Variants in ARID4B observed in about 807,000 individuals in gnomAD.
ARID4B encodes the protein AT-rich interactive domain-containing protein 4B.
In ARID4B, 26 loss-of-function variants were observed where a neutral mutation model predicts 147.5. The ratio of observed to expected loss-of-function variants is 0.18; its 90% CI spans 0.13 to 0.24. ARID4B has a LOEUF of 0.24. Among genes scored for constraint, ARID4B ranks in the 10% least tolerant of loss-of-function variants. The pLI, the probability that ARID4B is intolerant of heterozygous loss-of-function variation, is 1.00. For missense variants in ARID4B, 1,179 were observed against 1,511.5 expected (o/e 0.78, Z 3.65); for synonymous variants, 512 against 507.9 (o/e 1.01, Z -0.11).
chr1:235,296,928 G>A (rs569502216), intron 2 of ARID4B, among the ~76,000 whole-genome samples: 18 of 151,192 alleles, frequency 1.2e-4, no homozygotes, highest in Admixed American at 5.3e-4. Context: ...CAGCAGCAAT[G>A]AGCACCCTTA....
intron 20 of ARID4B, among the ~76,000 whole-genome samples, chr1:235,178,997 G>C (rs1664086936): frequency 6.6e-6 from 1 of 152,008 alleles, no homozygotes; most frequent in East Asian, 1.9e-4. Flanking sequence ...AAACATAAAG[G>C]AGACGTAGAT....
chr1:235,182,041 G>GGGCAGGAT lies in ARID4B; in HGVS notation c.2870_2877dup (p.Pro960IlefsTer26). 6.2e-7 allele frequency: 1 copy of GGGCAGGAT among 1,614,052 alleles called. No homozygotes were observed. ...GACTCCTCTGCCACCCCCTCCTCTGGGGCAGGATGCGGTGGGGAAGCTGCA... is the reference window on the plus strand; with the variant it reads ...GACTCCTCTGCCACCCCCTCCTCTGGGGCAGGATGGCAGGATGCGGTGGGGAAGCTGCA... On this transcript the variant is annotated frameshift_variant, in exon 20 of 24. Coordinates refer to ENST00000264183, the MANE Select transcript of ARID4B (RefSeq NM_016374.6). LOFTEE classifies it high-confidence loss of function.
intron 21 of ARID4B, chr1:235,176,800 C>G (rs960045864): frequency 1.1e-5 from 5 of 468,876 alleles, no homozygotes; most frequent in African/African-American, 4.0e-5. Context: ...GCCGAATAAC[C>G]CTTTTCTGCA....
intron 2 of ARID4B, among the ~76,000 whole-genome samples, chr1:235,291,315 G>A (rs1484186653): frequency 6.6e-6 from 1 of 152,230 alleles, no homozygotes; most frequent in East Asian, 1.9e-4. Context: ...GGATGAGGCA[G>A]GAGAATGGCG....
chr1:235,253,080 T>C (rs975388593), intron 5 of ARID4B, among the ~76,000 whole-genome samples: 3 of 152,204 alleles, frequency 2.0e-5, no homozygotes, highest in Admixed American at 2.0e-4. Context: ...GAAGTTGGTA[T>C]TTCAAGAGGA....
chr1:235,268,835 G>T (rs1052000293), intron 2 of ARID4B, among the ~76,000 whole-genome samples: 2 of 152,154 alleles, frequency 1.3e-5, no homozygotes, highest in East Asian at 3.8e-4. Flanking sequence ...AAAAATGGTT[G>T]ATTTCAAGGT....
intron 7 of ARID4B, among the ~76,000 whole-genome samples, chr1:235,245,036 G>A (rs977327695): frequency 4.6e-5 from 7 of 152,174 alleles, no homozygotes; most frequent in Non-Finnish European, 1.0e-4. Context: ...GAAGGGCAAG[G>A]AAGAGCAAGC....
intron 3 of ARID4B, 59 bp from the exon 4 acceptor site, chr1:235,257,284 A>G: frequency 2.8e-6 from 3 of 1,079,516 alleles, no homozygotes; most frequent in Non-Finnish European, 4.3e-6. Flanking sequence ...AAGCTCATCA[A>G]TGCACCAATT....
chr1:235,186,766 C>T (rs1664713795), intron 19 of ARID4B, among the ~76,000 whole-genome samples: 1 of 151,548 alleles, frequency 6.6e-6, no homozygotes, highest in African/African-American at 2.4e-5. Context: ...CTCTCTGTTG[C>T]CCAGACTGGA....
intron 17 of ARID4B, among the ~76,000 whole-genome samples, chr1:235,198,528 A>G (rs959126148): frequency 6.6e-6 from 1 of 152,224 alleles, no homozygotes; most frequent in Admixed American, 6.5e-5. Flanking sequence ...AAATAATAAA[A>G]TGATGGATGC....
chr1:235,179,610 T>G (rs1044879379), intron 20 of ARID4B, among the ~76,000 whole-genome samples: 1 of 150,340 alleles, frequency 6.7e-6, no homozygotes, highest in Non-Finnish European at 1.5e-5. Flanking sequence ...ACCCTAAATT[T>G]AGGAGTAGCT....
intron 2 of ARID4B, among the ~76,000 whole-genome samples, chr1:235,314,056 A>C (rs1674264753): frequency 6.6e-6 from 1 of 152,206 alleles, no homozygotes; most frequent in South Asian, 2.1e-4. Context: ...TATGTAGTAA[A>C]TCCTACTACA....
At chr1:235,253,966 A>T (rs1023952005) in intron 5 of ARID4B, among the ~76,000 whole-genome samples, 1 of 152,192 alleles carries the variant, frequency 6.6e-6, no homozygotes, top group African/African-American at 2.4e-5. Flanking sequence ...GCTGAACTAA[A>T]ATTAGATTCT....
chr1:235,188,026 T>C lies in ARID4B; in HGVS notation c.2126-5233A>G, dbSNP rs536524760. Among the ~76,000 whole-genome samples the C allele has an allele frequency of 1.3e-3, 194 of 152,196 alleles. 1 individual carries two copies. Among genetic ancestry groups the C allele is most frequent in the African/African-American group, 4.6e-3 (190 of 41,526 alleles). ...CACTAAGTAGGGGAAAAAAAGAGTT[T>C]GTAATATGTTAATGATCCCATCTGT... On this transcript the variant is annotated intron_variant, in intron 19 of 23. Coordinates refer to ENST00000264183, the MANE Select transcript of ARID4B (RefSeq NM_016374.6).
chr1:235,325,792 T>TA (rs1247050597), intron 2 of ARID4B, among the ~76,000 whole-genome samples: 10 of 152,286 alleles, frequency 6.6e-5, no homozygotes, highest in African/African-American at 1.9e-4. Flanking sequence ...GAGAAAACCT[T>TA]AAAAAAATTA....
At chr1:235,318,407 C>G (rs1053626135) in intron 2 of ARID4B, among the ~76,000 whole-genome samples, 1 of 151,916 alleles carries the variant, frequency 6.6e-6, no homozygotes, top group African/African-American at 2.4e-5. Context: ...CTCCTGACAT[C>G]GTGATCCACC....
rs74789518 is a variant in ARID4B at position 235,181,871 on chromosome 1, A to C, written c.3048T>G (p.Ser1016Arg). 9 of 1,614,192 alleles carry C rather than the reference A, an allele frequency of 5.6e-6. No individual in the cohort carries two copies. Among genetic ancestry groups the C allele is most frequent in the Non-Finnish European group, 7.6e-6 (9 of 1,180,036 alleles). ...TAGGAGGGGTATTTAGCACTGAATTACTGCCACTACTTGGAAATTCTGCTT... is the reference window on the plus strand; with the variant it reads ...TAGGAGGGGTATTTAGCACTGAATTCCTGCCACTACTTGGAAATTCTGCTT... ...DRKAEFPSSG[S>R]NSVLNTPPTT... Residue 1016 changes from serine (S) to arginine (R), a missense_variant, in exon 20 of 24, where the codon AGT (serine) becomes AGG (arginine). Ser to Arg is a moderately radical substitution (Grantham distance 110, BLOSUM62 -1). Coordinates refer to ENST00000264183, the MANE Select transcript of ARID4B (RefSeq NM_016374.6).
intron 8 of ARID4B, among the ~76,000 whole-genome samples, chr1:235,238,864 A>G (rs1209160287): frequency 6.6e-6 from 1 of 152,122 alleles, no homozygotes. Context: ...CCGGGGAAAA[A>G]AAAAAAAAGT....
intron 17 of ARID4B, among the ~76,000 whole-genome samples, chr1:235,206,159 T>C (rs887259297): frequency 6.6e-6 from 1 of 152,208 alleles, no homozygotes; most frequent in South Asian, 2.1e-4. Flanking sequence ...ACTTATCATA[T>C]GCCAAATGAA....
Sources: gnomAD v4.1 joint callset for allele counts (sites outside exome capture counted in the v4.1 genomes callset) on GRCh38, gnomAD v4.1.1 for gene constraint, MANE v1.5 for transcripts, NCBI Gene and HGNC (gene_info 2026-07-23, HGNC 2026-07-21) for gene names.